The following RBFOX1 variants were observed in gnomAD, a reference collection of about 807,000 sequenced individuals.
RBFOX1 encodes RNA binding fox-1 homolog 1, also known as RNA binding protein fox-1 homolog 1.
A neutral mutation model predicts 57.7 loss-of-function variants in RBFOX1; 8 were observed. That is an observed-to-expected ratio of 0.14 (90% CI 0.08 to 0.25). The LOEUF is 0.25. Among genes scored for constraint, RBFOX1 ranks in the 10% least tolerant of loss-of-function variants. The pLI, the probability that RBFOX1 is intolerant of heterozygous loss-of-function variation, is 1.00. For synonymous variants in RBFOX1, 326 were observed against 222.4 expected (o/e 1.47, Z -4.15); for missense variants, 611 against 548.5 (o/e 1.11, Z -1.14).
At chr16:6,576,251 C>T (rs1237101993) in intron 2 of RBFOX1, among the ~76,000 whole-genome samples, 1 of 152,146 alleles carries the variant, frequency 6.6e-6, no homozygotes, top group Admixed American at 6.5e-5. Flanking sequence ...AGGCAGGGAC[C>T]ACTCTGGTCA....
intron 1 of RBFOX1, among the ~76,000 whole-genome samples, chr16:6,122,033 G>A (rs972696176): frequency 2.6e-5 from 4 of 152,250 alleles, no homozygotes; most frequent in East Asian, 1.9e-4. Context: ...AGCCTCCTGC[G>A]TAGCTGGGAC....
At chr16:6,316,233 T>G (rs2081109160) in intron 1 of RBFOX1, among the ~76,000 whole-genome samples, 2 of 152,176 alleles carry the variant, frequency 1.3e-5, no homozygotes, top group Non-Finnish European at 1.5e-5. Context: ...GAACTCTTGA[T>G]TTTTCTGGTA....
At chr16:6,668,572 C>T (rs1424373413) in intron 3 of RBFOX1, among the ~76,000 whole-genome samples, 1 of 152,166 alleles carries the variant, frequency 6.6e-6, no homozygotes, top group Non-Finnish European at 1.5e-5. Flanking sequence ...GGGTAGCTAG[C>T]CTTTCCTAGG....
chr16:5,670,739 T>C (rs150806466), intron 3 of RBFOX1, among the ~76,000 whole-genome samples: 1 of 152,378 alleles, frequency 6.6e-6, no homozygotes, highest in East Asian at 1.9e-4. Flanking sequence ...CTCTCATATG[T>C]GCCTGCAGGT....
At chr16:5,549,906 T>G (rs2045388247) in intron 2 of RBFOX1, among the ~76,000 whole-genome samples, 1 of 152,136 alleles carries the variant, frequency 6.6e-6, no homozygotes, top group African/African-American at 2.4e-5. Flanking sequence ...GGCTCATAAC[T>G]TGCACAATGA....
At chr16:7,510,651 A>C (rs1697680253) in intron 4 of RBFOX1, among the ~76,000 whole-genome samples, 1 of 152,202 alleles carries the variant, frequency 6.6e-6, no homozygotes, top group Non-Finnish European at 1.5e-5. Flanking sequence ...AGTTTAGCTC[A>C]ATTCACTTCT....
Position 5,891,104 on chromosome 16 carries a change from C to T in RBFOX1, c.351+23769C>T, listed in dbSNP as rs1349409941. Among the ~76,000 whole-genome samples, 6 of 152,176 alleles carry T rather than the reference C, an allele frequency of 3.9e-5. 1 individual carries two copies. Among genetic ancestry groups the T allele is most frequent in the South Asian group, 2.1e-4 (1 of 4,830 alleles). ...CTTGTCAACCGTAACTGTTAGTAGG[C>T]AGATAGTAGGCCCAGCACAGAAGTC... On this transcript the variant is annotated intron_variant, in intron 4 of 19. Coordinates refer to the RBFOX1 transcript ENST00000641259.
chr16:7,322,811 A>G (rs1008026615), intron 4 of RBFOX1, among the ~76,000 whole-genome samples: 1 of 151,936 alleles, frequency 6.6e-6, no homozygotes, highest in African/African-American at 2.4e-5. Flanking sequence ...CAACCTAATA[A>G]TCTCTTTATC....
At chr16:6,708,518 T>C (rs2063164983) in intron 3 of RBFOX1, among the ~76,000 whole-genome samples, 1 of 152,198 alleles carries the variant, frequency 6.6e-6, no homozygotes, top group South Asian at 2.1e-4. Context: ...CTCTTGCTCT[T>C]GTGTTGGACA....
intron 2 of RBFOX1, among the ~76,000 whole-genome samples, chr16:6,629,235 C>G (rs902342841): frequency 6.6e-6 from 1 of 152,128 alleles, no homozygotes; most frequent in African/African-American, 2.4e-5. Context: ...AATTACAGGC[C>G]TAGGGAAAAG....
At chr16:7,494,545 A>T (rs2067966666) in intron 4 of RBFOX1, among the ~76,000 whole-genome samples, 1 of 152,222 alleles carries the variant, frequency 6.6e-6, no homozygotes, top group Non-Finnish European at 1.5e-5. Flanking sequence ...CAATAATAGC[A>T]CAGAGATGTT....
rs1276351847 is a variant in RBFOX1, at chr16:5,631,340, C to T, written c.318+32379C>T. ...TTGGGAAGCCGAGGCAGGTGGATCA[C>T]GAGGTCAGGAGTTCAAGACCAGCCT... is the stretch of plus-strand genomic sequence containing the variant. On this transcript the variant is annotated intron_variant, in intron 3 of 19. Transcript: ENST00000641259. 5.3e-5 allele frequency among the ~76,000 whole-genome samples: 8 copies of T among 152,082 alleles called. No individual in the cohort carries two copies. The South Asian group carries it at 8.3e-4, about 16-fold the overall frequency.
At position 6,637,138 on chromosome 16, in the gene RBFOX1, AAT is replaced by A. The variant is rs1467590781; in HGVS notation, c.-63-17459_-63-17458del. Among the ~76,000 whole-genome samples the A allele has an allele frequency of 2.1e-5, 2 of 93,290 alleles. 1 individual carries two copies. The highest frequency in any genetic ancestry group is 3.7e-5 in the Non-Finnish European group (2 of 54,368). 61.2% of individuals were successfully genotyped at this position (93,290 alleles called of 152,430 possible). On this transcript the variant is annotated intron_variant, in intron 2 of 15. Coordinates refer to ENST00000550418, the MANE Select transcript of RBFOX1 (RefSeq NM_018723.4). ...ATATATAAATTTATATTATATATTAAATATATAATATACAATATATATTATAT... is the reference window on the plus strand; with the variant it reads ...ATATATAAATTTATATTATATATTAAATATAATATACAATATATATTATAT...
At chr16:7,248,810 G>C (rs1204743211) in intron 4 of RBFOX1, among the ~76,000 whole-genome samples, 1 of 152,126 alleles carries the variant, frequency 6.6e-6, no homozygotes, top group Non-Finnish European at 1.5e-5. Flanking sequence ...ATTTATAACA[G>C]TTGCCTTTTT....
chr16:7,591,655 C>T (rs1321679400), intron 7 of RBFOX1, among the ~76,000 whole-genome samples: 1 of 152,156 alleles, frequency 6.6e-6, no homozygotes, highest in South Asian at 2.1e-4. Flanking sequence ...AAGGTAAACT[C>T]TGGGAAGGTG....
intron 3 of RBFOX1, among the ~76,000 whole-genome samples, chr16:5,710,392 T>G (rs930577868): frequency 2.0e-5 from 3 of 152,166 alleles, no homozygotes; most frequent in African/African-American, 7.2e-5. Flanking sequence ...ATGGGTCTCT[T>G]CATTTGCTGC....
At chr16:7,569,543 A>G (rs964538161) in intron 5 of RBFOX1, among the ~76,000 whole-genome samples, 2 of 152,188 alleles carry the variant, frequency 1.3e-5, no homozygotes, top group Admixed American at 1.3e-4. Context: ...CAGGTAATCC[A>G]GGATAATCTA....
intron 2 of RBFOX1, among the ~76,000 whole-genome samples, chr16:6,623,022 A>G (rs2098255275): frequency 6.6e-6 from 1 of 152,172 alleles, no homozygotes; most frequent in Non-Finnish European, 1.5e-5. Flanking sequence ...CATCTTTTAC[A>G]AAGCCTCTTT....
chr16:5,580,364 TGGGTCTC>T (rs2046623935), intron 2 of RBFOX1, among the ~76,000 whole-genome samples: 1 of 152,208 alleles, frequency 6.6e-6, no homozygotes, highest in Non-Finnish European at 1.5e-5. Context: ...CTCAGCTGCG[TGGGTCTC>T]AGCCTGGCAC....
Sources: gnomAD v4.1 joint callset for allele counts (sites outside exome capture counted in the v4.1 genomes callset) on GRCh38, gnomAD v4.1.1 for gene constraint, MANE v1.5 for transcripts, NCBI Gene and HGNC (gene_info 2026-07-23, HGNC 2026-07-21) for gene names.